The following SNIP1 variants were observed in gnomAD, a reference collection of about 807,000 sequenced individuals.
The protein encoded by SNIP1 is smad nuclear-interacting protein 1.
In SNIP1, 23 loss-of-function variants were observed where a neutral mutation model predicts 37.4. That is an observed-to-expected ratio of 0.61 (90% confidence interval 0.44 to 0.87). The LOEUF (loss-of-function observed/expected upper bound fraction) is 0.87. Ranked by LOEUF, SNIP1 falls within the 40% of genes least tolerant of loss-of-function variation. SNIP1 has a pLI of 0.00. For missense variants in SNIP1, 459 were observed against 540.4 expected (o/e 0.85, Z 1.49); for synonymous variants, 174 against 200.0 (o/e 0.87, Z 1.10).
chr1:37,542,931 G>A (rs1409379878), intron 2 of SNIP1, among the ~76,000 whole-genome samples: 1 of 151,796 alleles, frequency 6.6e-6, no homozygotes, highest in Non-Finnish European at 1.5e-5. Flanking sequence ...ACGACAGCAT[G>A]CACCTGTAAT....
In SNIP1 at chr1:37,554,137, C is replaced by T. The variant is rs1643334101; in HGVS notation, c.93G>A (p.Gln31=). 1 of 1,613,028 alleles carries T rather than the reference C, an allele frequency of 6.2e-7. No homozygotes were observed. Among genetic ancestry groups the T allele is most frequent in the African/African-American group, 1.3e-5 (1 of 75,044 alleles). ...VVLPAGVVVK[Q]ERLSPEVAPP... ...GTGCGACTTCTGGGCTGAGACGCTC[C>T]TGCTTCACCACCACCCCCGCCGGCA... Residue 31 remains glutamine (Q), a synonymous_variant, in exon 1 of 4, where the codon CAG becomes CAA. Transcript: ENST00000296215.
chr1:37,550,039 CA>C (rs1449716761), intron 2 of SNIP1, among the ~76,000 whole-genome samples: 1 of 149,314 alleles, frequency 6.7e-6, no homozygotes, highest in African/African-American at 2.5e-5. Context: ...CATTCATAGG[CA>C]AAAAAAACAA....
chr1:37,534,786 C>A lies in SNIP1; in HGVS notation c.*2962G>T, dbSNP rs1643065339. ...CCCATACCTCTGCAGAATCATGGAC[C>A]CCCACAGAGGACTTAGGGGAGGGGC... On this transcript the variant is annotated 3_prime_UTR_variant, in exon 4 of 4. Coordinates refer to ENST00000296215, the MANE Select transcript of SNIP1 (RefSeq NM_024700.4). The A allele has an allele frequency of 6.6e-6, 1 of 152,030 alleles. No individual in the cohort carries two copies. The highest frequency in any genetic ancestry group is 2.4e-5 in the African/African-American group (1 of 41,370). The allele number at this position is 152,030 out of a possible 1,614,324, so 9.4% of individuals were successfully genotyped here.
chr1:37,554,066 G>T lies in SNIP1; in HGVS notation c.164C>A (p.Pro55Gln). ...CGAGCGGGCCGGCTCGCTGGTCGGC[G>T]GAGACGGGCTACCACCGGAGTGGTC... ...RPDHSGGSPS[P>Q]PTSEPARSGH... The change falls in exon 1 of 4, where the codon CCG (proline) becomes CAG (glutamine). Residue 55 changes from proline to glutamine, a missense_variant. By Grantham distance (76) the Pro-to-Gln change is moderately conservative (BLOSUM62 -1). Transcript: ENST00000296215. 6.3e-7 allele frequency: 1 copy of T among 1,598,684 alleles called. No individual in the cohort carries two copies. The highest frequency in any genetic ancestry group is 1.1e-5 in the South Asian group (1 of 89,114).
chr1:37,546,918 C>T lies in SNIP1; in HGVS notation c.327+5727G>A, dbSNP rs545133151. Among the ~76,000 whole-genome samples the T allele has an allele frequency of 5.9e-5, 9 of 152,314 alleles. No homozygotes were observed. In the East Asian group the frequency reaches 1.7e-3, roughly 29 times the overall value. ...AATCACTCTATCCTCAACACACTTC[C>T]TTCTAATGGCTTCAAGTTACCAGAT... On this transcript the variant is annotated intron_variant, in intron 2 of 3. Transcript: ENST00000296215.
rs1484194941 is a variant in SNIP1, at chr1:37,540,689, G to T, written c.394C>A (p.His132Asn). 1 of 1,613,944 alleles carries T rather than the reference G, an allele frequency of 6.2e-7. No homozygotes were observed. The highest frequency in any genetic ancestry group is 8.5e-7 in the Non-Finnish European group (1 of 1,180,020). The change falls in exon 3 of 4, where the codon CAC becomes AAC. Residue 132 changes from histidine (H) to asparagine (N), a missense_variant. His to Asn is a moderately conservative substitution (Grantham distance 68, BLOSUM62 1). Transcript: ENST00000296215. This position sits in a 1 kb window ranked among gnomAD's most constrained non-coding sequence, Gnocchi z 5.6. ...CGGTCACTGTTCCTAGCTCTCCTGT[G>T]TTCCTGTTCTGATGGTTCCCTGTGC... ...RQHREPSEQE[H>N]RRARNSDRDR...
intron 2 of SNIP1, chr1:37,541,131 G>A (rs1341171158): frequency 1.8e-5 from 3 of 167,370 alleles, no homozygotes; most frequent in Non-Finnish European, 2.5e-5. Flanking sequence ...TAAGTAGTCA[G>A]GTACAAGATA....
At chr1:37,542,969 A>G (rs1009568589) in intron 2 of SNIP1, among the ~76,000 whole-genome samples, 1 of 151,650 alleles carries the variant, frequency 6.6e-6, no homozygotes, top group Non-Finnish European at 1.5e-5. Context: ...TTGAGGTGGG[A>G]TGATCACTTG....
intron 2 of SNIP1, among the ~76,000 whole-genome samples, chr1:37,548,460 C>T (rs965432325): frequency 2.6e-5 from 4 of 151,656 alleles, no homozygotes; most frequent in Non-Finnish European, 4.4e-5. Flanking sequence ...GGATTACACG[C>T]GCCCACCACC....
At chr1:37,546,633 C>T (rs1175224732) in intron 2 of SNIP1, among the ~76,000 whole-genome samples, 1 of 152,038 alleles carries the variant, frequency 6.6e-6, no homozygotes, top group African/African-American at 2.4e-5. Context: ...AAGATTGCAC[C>T]ACTGCACTCC....
intron 1 of SNIP1, among the ~76,000 whole-genome samples, chr1:37,553,596 T>C (rs1387008832): frequency 6.6e-6 from 1 of 152,080 alleles, no homozygotes; most frequent in Non-Finnish European, 1.5e-5. Flanking sequence ...CTTTTTTTTT[T>C]TCCCCAGTTT....
intron 3 of SNIP1, among the ~76,000 whole-genome samples, chr1:37,538,797 C>G (rs1471595148): frequency 6.6e-6 from 1 of 152,066 alleles, no homozygotes; most frequent in Non-Finnish European, 1.5e-5. Context: ...GGGCCATGGA[C>G]TGGTACCAGT....
At chr1:37,552,156 C>G (rs932442952) in intron 2 of SNIP1, among the ~76,000 whole-genome samples, 1 of 152,138 alleles carries the variant, frequency 6.6e-6, no homozygotes, top group Non-Finnish European at 1.5e-5. Flanking sequence ...ATTTACATAA[C>G]ATTCTTGAAA....
Position 37,537,681 on chromosome 1 carries a change from G to T in SNIP1, c.*67C>A, listed in dbSNP as rs1643115101. ...ATAGTGCTGGACCCACCACCATAGT[G>T]CTCTCTGAGTCAATCAAAGACTTCC... is the stretch of plus-strand genomic sequence containing the variant. On this transcript the variant is annotated 3_prime_UTR_variant, in exon 4 of 4. Coordinates refer to ENST00000296215, the MANE Select transcript of SNIP1 (RefSeq NM_024700.4). 1.3e-6 allele frequency: 2 copies of T among 1,537,054 alleles called. No homozygotes were observed. The highest frequency in any genetic ancestry group is 1.8e-6 in the Non-Finnish European group (2 of 1,130,924).
In SNIP1 at chr1:37,547,895, C is replaced by A. The variant is rs188903473; in HGVS notation, c.327+4750G>T. Among the ~76,000 whole-genome samples the A allele has an allele frequency of 4.6e-3, 706 of 151,906 alleles. 2 individuals are homozygous for A. Among genetic ancestry groups the A allele is most frequent in the South Asian group, 0.019 (91 of 4,800 alleles). On this transcript the variant is annotated intron_variant, in intron 2 of 3. Coordinates refer to ENST00000296215, the MANE Select transcript of SNIP1 (RefSeq NM_024700.4). ...GGTGCAGTGACTCATGCCTGTAATC[C>A]CAGCACTTTGGGAGGCCAAGGCAGG...
Position 37,547,382 on chromosome 1 carries a change from A to G in SNIP1, c.327+5263T>C, listed in dbSNP as rs538115488. ...GAGAAGTAAACCATACTCTCATTTT[A>G]TATTTTACATACCTCTGTATTATTA... On this transcript the variant is annotated intron_variant, in intron 2 of 3. Transcript: ENST00000296215. 5.1e-4 allele frequency among the ~76,000 whole-genome samples: 78 copies of G among 152,266 alleles called. 1 individual carries two copies. Among genetic ancestry groups the G allele is most frequent in the African/African-American group, 1.8e-3 (76 of 41,550 alleles).
intron 3 of SNIP1, among the ~76,000 whole-genome samples, chr1:37,538,599 T>A (rs1426444636): frequency 1.3e-5 from 2 of 151,022 alleles, no homozygotes; most frequent in Non-Finnish European, 2.9e-5. Context: ...CAGAATCCAA[T>A]GTCTCTTGCT....
chr1:37,551,784 C>T (rs1212382640), intron 2 of SNIP1, among the ~76,000 whole-genome samples: 3 of 151,946 alleles, frequency 2.0e-5, no homozygotes, highest in African/African-American at 7.3e-5. Flanking sequence ...TTATGGTGGC[C>T]CTAGGTAAAC....
intron 2 of SNIP1, chr1:37,541,250 CT>C (rs1452368236): frequency 2.0e-5 from 3 of 152,278 alleles, no homozygotes; most frequent in African/African-American, 7.2e-5. Flanking sequence ...TAGAAATAAA[CT>C]TAAGAAACAT....
Sources: allele counts gnomAD v4.1 joint callset (sites outside exome capture counted in the v4.1 genomes callset), GRCh38; gene constraint gnomAD v4.1.1; non-coding constraint Gnocchi (gnomAD v3.1); transcripts MANE v1.5; gene names NCBI Gene and HGNC (gene_info 2026-07-23, HGNC 2026-07-21).